Variants in ITFG1 observed in about 807,000 individuals in gnomAD.
ITFG1 encodes the protein T-cell immunomodulatory protein.
In ITFG1, 34 loss-of-function variants were observed where a neutral mutation model predicts 81.8. The observed-to-expected ratio is 0.42, with a 90% CI of 0.32 to 0.55. The LOEUF is 0.55. Ranked by LOEUF, ITFG1 falls within the 20% of genes least tolerant of loss-of-function variation. ITFG1 has a pLI of 0.17. For missense variants in ITFG1, 672 were observed against 755.4 expected (o/e 0.89, Z 1.29); for synonymous variants, 285 against 270.6 (o/e 1.05, Z -0.52).
At chr16:47,357,746 A>G (rs1046853718) in intron 8 of ITFG1, among the ~76,000 whole-genome samples, 2 of 152,232 alleles carry the variant, frequency 1.3e-5, no homozygotes, top group Admixed American at 6.5e-5. Flanking sequence ...AAACCTGTAC[A>G]AAATGGCTCC....
At chr16:47,321,275 A>C (rs1596892205) in intron 8 of ITFG1, among the ~76,000 whole-genome samples, 1 of 152,346 alleles carries the variant, frequency 6.6e-6, no homozygotes, top group Non-Finnish European at 1.5e-5. Flanking sequence ...CTGAAACTGC[A>C]CTTCTTGCTA....
chr16:47,335,707 T>C (rs1428708194), intron 8 of ITFG1, among the ~76,000 whole-genome samples: 1 of 152,108 alleles, frequency 6.6e-6, no homozygotes, highest in Non-Finnish European at 1.5e-5. Flanking sequence ...AAAATAGTTA[T>C]AATAAAAAAG....
intron 12 of ITFG1, among the ~76,000 whole-genome samples, chr16:47,256,628 T>C (rs1458737230): frequency 6.6e-6 from 1 of 152,172 alleles, no homozygotes; most frequent in Non-Finnish European, 1.5e-5. Flanking sequence ...AGGACATGGA[T>C]AATTAAAAGT....
At chr16:47,296,401 A>C (rs377256588) in intron 10 of ITFG1, among the ~76,000 whole-genome samples, 1 of 152,030 alleles carries the variant, frequency 6.6e-6, no homozygotes, top group East Asian at 1.9e-4. Flanking sequence ...AAGACTGTTC[A>C]GGAGTGTGTT....
chr16:47,453,755 C>G (rs1378146531), intron 3 of ITFG1, among the ~76,000 whole-genome samples: 1 of 152,102 alleles, frequency 6.6e-6, no homozygotes, highest in Non-Finnish European at 1.5e-5. Context: ...TTAGCCATCT[C>G]AATGATTCTG....
chr16:47,371,558 A>C (rs932220757), intron 7 of ITFG1, among the ~76,000 whole-genome samples: 4 of 152,154 alleles, frequency 2.6e-5, no homozygotes, highest in Non-Finnish European at 5.9e-5. Context: ...TTTGGCTTTC[A>C]TGTTTAATAT....
Position 47,244,212 on chromosome 16 carries a change from G to A in ITFG1, c.1331-6204C>T, listed in dbSNP as rs575096257. Among the ~76,000 whole-genome samples the A allele has an allele frequency of 1.1e-4, 17 of 152,302 alleles. 1 individual carries two copies. Among genetic ancestry groups the A allele is most frequent in the African/African-American group, 3.8e-4 (16 of 41,568 alleles). ...TACCTTTTATAATAAGCAGGTAAAC[G>A]TAAGTAAAGTGTTTCCTTGAGTTCT... On this transcript the variant is annotated intron_variant, in intron 12 of 17. Coordinates refer to ENST00000320640, the MANE Select transcript of ITFG1 (RefSeq NM_030790.5).
At chr16:47,213,888 T>C (rs778039724) in intron 14 of ITFG1, among the ~76,000 whole-genome samples, 4 of 152,166 alleles carry the variant, frequency 2.6e-5, no homozygotes, top group Non-Finnish European at 5.9e-5. Context: ...TAAGTAAGTG[T>C]TTCCCTGAGT....
intron 2 of ITFG1, among the ~76,000 whole-genome samples, chr16:47,456,214 A>T (rs1969450951): frequency 6.6e-6 from 1 of 152,204 alleles, no homozygotes. Flanking sequence ...TTATCAAAAA[A>T]GAAAAACAAA....
At chr16:47,332,347 T>C (rs1012558930) in intron 8 of ITFG1, among the ~76,000 whole-genome samples, 2 of 152,118 alleles carry the variant, frequency 1.3e-5, no homozygotes, top group African/African-American at 4.8e-5. Context: ...AAATAGGGAA[T>C]CAAATATGAA....
At chr16:47,445,611 T>G (rs975964228) in intron 5 of ITFG1, among the ~76,000 whole-genome samples, 1 of 152,198 alleles carries the variant, frequency 6.6e-6, no homozygotes, top group African/African-American at 2.4e-5. Context: ...GCCGTGCCTA[T>G]ATCAGGAGGT....
intron 8 of ITFG1, among the ~76,000 whole-genome samples, chr16:47,319,483 A>T (rs909542573): frequency 1.3e-5 from 2 of 152,176 alleles, no homozygotes; most frequent in South Asian, 2.1e-4. Context: ...TTAGCTTGCA[A>T]CTTAATCTCA....
intron 8 of ITFG1, among the ~76,000 whole-genome samples, chr16:47,351,096 C>A (rs1331755280): frequency 2.0e-5 from 3 of 152,116 alleles, no homozygotes; most frequent in African/African-American, 4.8e-5. Flanking sequence ...AAAACCACAG[C>A]CAATATCATA....
intron 8 of ITFG1, among the ~76,000 whole-genome samples, chr16:47,341,830 A>C (rs1967788607): frequency 6.6e-6 from 1 of 152,210 alleles, no homozygotes; most frequent in Admixed American, 6.5e-5. Context: ...GATGAAATGA[A>C]CAAGTTCCTA....
chr16:47,270,686 T>A (rs1006570279), intron 10 of ITFG1, among the ~76,000 whole-genome samples: 1 of 152,168 alleles, frequency 6.6e-6, no homozygotes, highest in African/African-American at 2.4e-5. Context: ...TATAAGCAAA[T>A]TGTGATGCAT....
chr16:47,311,890 C>G (rs534567793), intron 9 of ITFG1: 2 of 152,410 alleles, frequency 1.3e-5, no homozygotes, highest in Non-Finnish European at 2.9e-5. Flanking sequence ...GTCTCTTACA[C>G]ATGCAGATGA....
intron 7 of ITFG1, among the ~76,000 whole-genome samples, chr16:47,372,696 G>A (rs745498428): frequency 4.0e-5 from 6 of 151,768 alleles, no homozygotes; most frequent in Non-Finnish European, 8.8e-5. Flanking sequence ...CCAATGATCT[G>A]CCTGCCTCAG....
At chr16:47,333,206 G>A (rs1328578593) in intron 8 of ITFG1, among the ~76,000 whole-genome samples, 1 of 151,856 alleles carries the variant, frequency 6.6e-6, no homozygotes, top group East Asian at 1.9e-4. Flanking sequence ...ATTTAATTCT[G>A]ACAAAAACTA....
chr16:47,191,472 T>G (rs1276492436), intron 14 of ITFG1, among the ~76,000 whole-genome samples: 1 of 152,162 alleles, frequency 6.6e-6, no homozygotes, highest in Non-Finnish European at 1.5e-5. Flanking sequence ...ACAATTCTTC[T>G]TCTTCCAGTT....
Sources: allele counts gnomAD v4.1 joint callset (sites outside exome capture counted in the v4.1 genomes callset), GRCh38; gene constraint gnomAD v4.1.1; transcripts MANE v1.5; gene names NCBI Gene and HGNC (gene_info 2026-07-23, HGNC 2026-07-21).